Variants in CTNNA2 observed in about 807,000 individuals in gnomAD.
CTNNA2 encodes catenin alpha-2.
Under a neutral mutation model 101.0 loss-of-function variants are expected in CTNNA2, and 42 were observed. The ratio of observed to expected loss-of-function variants is 0.42; its 90% confidence interval spans 0.32 to 0.54. The LOEUF (loss-of-function observed/expected upper bound fraction) is 0.54, where lower values mean the gene tolerates loss of function less well. CTNNA2 is among the 20% of genes least tolerant of loss of function. The probability of loss-of-function intolerance (pLI) is 0.14; values close to 1 mark genes in which losing one functional copy is unlikely to be tolerated. For missense variants in CTNNA2, 871 were observed against 1,223.1 expected (o/e 0.71, Z 4.29); for synonymous variants, 450 against 456.4 (o/e 0.99, Z 0.18).
At chr2:80,596,352 A>G (rs1696977226) in intron 15 of CTNNA2, among the ~76,000 whole-genome samples, 1 of 107,440 alleles carries the variant, frequency 9.3e-6, no homozygotes, top group Non-Finnish European at 1.7e-5. Context: ...CTCTGTTGCC[A>G]AGGCTGGAGT....
intron 7 of CTNNA2, among the ~76,000 whole-genome samples, chr2:80,121,476 C>T (rs762005492): frequency 3.9e-5 from 6 of 152,026 alleles, no homozygotes; most frequent in Non-Finnish European, 5.9e-5. Context: ...AACCATGCAG[C>T]AATAAAAAAT....
intron 3 of CTNNA2, among the ~76,000 whole-genome samples, chr2:79,371,913 C>T (rs768280475): frequency 6.6e-6 from 1 of 152,096 alleles, no homozygotes; most frequent in Admixed American, 6.5e-5. Flanking sequence ...AAGCACTGTA[C>T]ATTTAATCCC....
chr2:80,429,344 A>G (rs1453554572), intron 9 of CTNNA2, among the ~76,000 whole-genome samples: 1 of 152,176 alleles, frequency 6.6e-6, no homozygotes, highest in African/African-American at 2.4e-5. Flanking sequence ...ACAGATGAGA[A>G]ACCTGAGGTT....
At position 79,744,558 on chromosome 2, in the gene CTNNA2, G is replaced by A; in HGVS notation, c.274G>A (p.Ala92Thr). 6.2e-7 allele frequency: 1 copy of A among 1,613,906 alleles called. No individual in the cohort carries two copies. The highest frequency in any genetic ancestry group is 8.5e-7 in the Non-Finnish European group (1 of 1,179,854). ...AGATCTCAAAGAAGAGTTGGTGGCTGCTGTAGAGGATGTGCGCAAACAAGG... is the reference window on the plus strand; with the variant it reads ...AGATCTCAAAGAAGAGTTGGTGGCTACTGTAGAGGATGTGCGCAAACAAGG... ...SQDLKEELVA[A>T]VEDVRKQGET... The change falls in exon 3 of 19, where the codon GCT (alanine) becomes ACT (threonine). Residue 92 changes from alanine (A) to threonine (T), a missense_variant. Ala to Thr is a moderately conservative substitution (Grantham distance 58, BLOSUM62 0). Coordinates refer to ENST00000402739, the MANE Select transcript of CTNNA2 (RefSeq NM_001282597.3).
chr2:79,886,244 A>G (rs545478557), intron 6 of CTNNA2, among the ~76,000 whole-genome samples: 2 of 152,288 alleles, frequency 1.3e-5, no homozygotes, highest in East Asian at 3.9e-4. Flanking sequence ...ACATGATGAA[A>G]TGTGAATGAG....
chr2:80,295,227 T>G (rs1445662252), intron 7 of CTNNA2, among the ~76,000 whole-genome samples: 1 of 145,206 alleles, frequency 6.9e-6, no homozygotes, highest in Non-Finnish European at 1.5e-5. Flanking sequence ...CTGAACAAAT[T>G]TTTTTTTTTT....
intron 9 of CTNNA2, among the ~76,000 whole-genome samples, chr2:80,431,023 CAAG>C (rs1450831295): frequency 6.6e-6 from 1 of 152,028 alleles, no homozygotes; most frequent in Non-Finnish European, 1.5e-5. Context: ...TATGTAAGAG[CAAG>C]AAGTGTTTTA....
At chr2:79,249,345 G>T (rs1558586607) in intron 2 of CTNNA2, among the ~76,000 whole-genome samples, 2 of 151,980 alleles carry the variant, frequency 1.3e-5, no homozygotes, top group Admixed American at 6.6e-5. Flanking sequence ...CACTTAAAAG[G>T]GTTGTCCCTT....
At chr2:79,839,756 G>A (rs563158432) in intron 3 of CTNNA2, among the ~76,000 whole-genome samples, 68 of 151,782 alleles carry the variant, frequency 4.5e-4, no homozygotes, top group African/African-American at 1.6e-3. Context: ...TTGATTCAGA[G>A]TATCATGTCC....
At chr2:79,509,597 T>G (rs570275882), upstream of CTNNA2, among the ~76,000 whole-genome samples, 2 of 152,274 alleles carry the variant, frequency 1.3e-5, no homozygotes, top group South Asian at 4.1e-4. Flanking sequence ...TTCCAGGGGT[T>G]AGGAGCAAGA....
intron 3 of CTNNA2, among the ~76,000 whole-genome samples, chr2:79,800,792 A>G (rs1461462120): frequency 1.3e-5 from 2 of 152,140 alleles, no homozygotes; most frequent in African/African-American, 4.8e-5. Context: ...AGTCTGATGG[A>G]TGATTATTTA....
chr2:80,288,298 T>G (rs1465203715), intron 7 of CTNNA2: 2 of 152,100 alleles, frequency 1.3e-5, no homozygotes, highest in Non-Finnish European at 2.9e-5. Flanking sequence ...AAGATTAACT[T>G]TAGTAGTGAG....
chr2:79,584,705 A>G (rs1676368000), intron 1 of CTNNA2, among the ~76,000 whole-genome samples: 1 of 152,018 alleles, frequency 6.6e-6, no homozygotes, highest in Non-Finnish European at 1.5e-5. Flanking sequence ...TTTTTAGTAG[A>G]GATGGGGTTT....
At chr2:79,459,833 A>G (rs1308992070) in intron 4 of CTNNA2, among the ~76,000 whole-genome samples, 1 of 152,062 alleles carries the variant, frequency 6.6e-6, no homozygotes, top group Non-Finnish European at 1.5e-5. Context: ...TTCTTTGCAA[A>G]TAATTTTTTT....
chr2:80,423,076 A>G (rs577371419), intron 9 of CTNNA2, among the ~76,000 whole-genome samples: 2 of 151,704 alleles, frequency 1.3e-5, no homozygotes, highest in Non-Finnish European at 2.9e-5. Context: ...TTAGCTAATT[A>G]GTATGCTCTC....
chr2:80,625,872 AT>A (rs1230236621), intron 18 of CTNNA2, among the ~76,000 whole-genome samples: 1 of 152,050 alleles, frequency 6.6e-6, no homozygotes, highest in African/African-American at 2.4e-5. Context: ...ATTAAATGCA[AT>A]TATTTTTCTA....
chr2:79,795,439 A>AT (rs1675622616), intron 3 of CTNNA2, among the ~76,000 whole-genome samples: 2 of 152,202 alleles, frequency 1.3e-5, no homozygotes, highest in African/African-American at 4.8e-5. Flanking sequence ...TTTAAAAGTT[A>AT]TTTTTTATAA....
At chr2:80,293,373 C>A (rs532446392) in intron 7 of CTNNA2, among the ~76,000 whole-genome samples, 2 of 152,324 alleles carry the variant, frequency 1.3e-5, no homozygotes, top group African/African-American at 4.8e-5. Flanking sequence ...ATTGAGAGTT[C>A]TTCACTGAGG....
chr2:80,052,684 T>G (rs534648899), intron 7 of CTNNA2, among the ~76,000 whole-genome samples: 68 of 152,336 alleles, frequency 4.5e-4, no homozygotes, highest in Admixed American at 3.7e-3. Flanking sequence ...ACTGAAGTAG[T>G]GTAACTATGA....
Sources: gnomAD v4.1 joint callset for allele counts (sites outside exome capture counted in the v4.1 genomes callset) on GRCh38, gnomAD v4.1.1 for gene constraint, MANE v1.5 for transcripts, NCBI Gene and HGNC (gene_info 2026-07-23, HGNC 2026-07-21) for gene names.